Variants in SHROOM4 observed in about 807,000 individuals in gnomAD.
SHROOM4 encodes the protein shroom family member 4.
Under a neutral mutation model 80.3 loss-of-function variants are expected in SHROOM4, and 17 were observed. The ratio of observed to expected loss-of-function variants is 0.21; its 90% CI spans 0.14 to 0.32. The LOEUF (loss-of-function observed/expected upper bound fraction) is 0.32. Among genes scored for constraint, SHROOM4 ranks in the 10% least tolerant of loss-of-function variants. The pLI is 1.00. For synonymous variants in SHROOM4, 400 were observed against 437.5 expected (o/e 0.91, Z 1.07); for missense variants, 993 against 1,140.3 (o/e 0.87, Z 1.86).
intron 5 of SHROOM4, among the ~76,000 whole-genome samples, chrX:50,625,866 T>A (rs1251905558): frequency 8.9e-6 from 1 of 112,262 alleles, no homozygotes; most frequent in Non-Finnish European, 1.9e-5. Context: ...GGTCAAGGCC[T>A]GCCTAGGCTG....
chrX:50,753,794 C>G (rs781918048), intron 1 of SHROOM4, among the ~76,000 whole-genome samples: 1 of 111,644 alleles, frequency 9.0e-6, no homozygotes, highest in Non-Finnish European at 1.9e-5. Flanking sequence ...TTTAAAAGGG[C>G]ATATACGTAT....
chrX:50,612,262 G>A (rs975746525), intron 5 of SHROOM4, among the ~76,000 whole-genome samples: 2 of 108,891 alleles, frequency 1.8e-5, no homozygotes, highest in Non-Finnish European at 1.9e-5. Context: ...AAAAGAATAA[G>A]AGAATACTTT....
rs192231546 is a variant in SHROOM4 at position 50,618,879 on chromosome X, G to A, written c.2957+8735C>T. 8.9e-5 allele frequency among the ~76,000 whole-genome samples: 10 copies of A among 112,143 alleles called. No homozygotes were observed. The South Asian group carries it at 2.2e-3, about 25-fold the overall frequency. Reference sequence around the variant, plus strand: ...CCTTGTCTGTCTCTGAGAGATAATCGCAGGGAAGCAGGGACTCCTGGGGTA... The same window carrying A: ...CCTTGTCTGTCTCTGAGAGATAATCACAGGGAAGCAGGGACTCCTGGGGTA... On this transcript the variant is annotated intron_variant, in intron 5 of 8. Coordinates refer to ENST00000376020, the MANE Select transcript of SHROOM4 (RefSeq NM_020717.5).
At chrX:50,686,404 T>G (rs1266782820) in intron 2 of SHROOM4, among the ~76,000 whole-genome samples, 1 of 110,993 alleles carries the variant, frequency 9.0e-6, no homozygotes, top group Non-Finnish European at 1.9e-5. Context: ...TGCCTTCCTT[T>G]TACTTAGGAA....
rs1928862008 is a variant in SHROOM4, at chrX:50,590,921, T to A, written c.*5774A>T. ...TTTTCACTTTTTTATATGGTATATT[T>A]TTAGCACAAAAGTTTTTAATTTTGA... On this transcript the variant is annotated 3_prime_UTR_variant, in exon 9 of 9. Coordinates refer to ENST00000376020, the MANE Select transcript of SHROOM4 (RefSeq NM_020717.5). Among the ~76,000 whole-genome samples, 2 of 112,230 alleles carry A rather than the reference T, an allele frequency of 1.8e-5. No homozygotes were observed. The highest frequency in any genetic ancestry group is 7.4e-4 in the South Asian group (2 of 2,721).
intron 1 of SHROOM4, among the ~76,000 whole-genome samples, chrX:50,733,284 C>A (rs1380419105): frequency 8.9e-6 from 1 of 111,861 alleles, no homozygotes; most frequent in African/African-American, 3.2e-5. Context: ...GCTTCTATGA[C>A]AAATCCACAC....
intron 1 of SHROOM4, among the ~76,000 whole-genome samples, chrX:50,806,426 G>T (rs782197640): frequency 1.8e-5 from 2 of 112,189 alleles, no homozygotes; most frequent in East Asian, 5.6e-4. Flanking sequence ...TGGATCATCC[G>T]TTGCAACACT....
At chrX:50,763,097 T>C (rs781807509) in intron 1 of SHROOM4, among the ~76,000 whole-genome samples, 1 of 111,591 alleles carries the variant, frequency 9.0e-6, no homozygotes, top group South Asian at 3.8e-4. Context: ...TCTTTTCTTC[T>C]GTTCTTCAGA....
At chrX:50,744,750 C>A (rs1286823346) in intron 1 of SHROOM4, among the ~76,000 whole-genome samples, 1 of 111,775 alleles carries the variant, frequency 8.9e-6, no homozygotes, top group East Asian at 2.8e-4. Flanking sequence ...ACCCCCATAA[C>A]CTGGGCTTTG....
At chrX:50,740,520 T>A (rs1934628742) in intron 1 of SHROOM4, among the ~76,000 whole-genome samples, 1 of 111,182 alleles carries the variant, frequency 9.0e-6, no homozygotes, top group Admixed American at 9.6e-5. Flanking sequence ...ATGCTCCACT[T>A]TCAATAAAAG....
chrX:50,651,283 AT>A (rs1932044063), intron 2 of SHROOM4, among the ~76,000 whole-genome samples: 1 of 112,111 alleles, frequency 8.9e-6, no homozygotes, highest in Non-Finnish European at 1.9e-5. Flanking sequence ...TTTATGCAAC[AT>A]TTACAGTTCA....
At chrX:50,808,651 A>G (rs1936274012) in intron 1 of SHROOM4, among the ~76,000 whole-genome samples, 1 of 110,370 alleles carries the variant, frequency 9.1e-6, no homozygotes, top group Admixed American at 9.7e-5. Flanking sequence ...TATAAAAGCC[A>G]TGATGTTCCC....
intron 1 of SHROOM4, among the ~76,000 whole-genome samples, chrX:50,777,227 CG>C (rs1935530550): frequency 9.0e-6 from 1 of 111,250 alleles, no homozygotes; most frequent in Non-Finnish European, 1.9e-5. Context: ...TTCCTGAGCC[CG>C]GGAGCCCAGT....
downstream of SHROOM4, among the ~76,000 whole-genome samples, chrX:50,584,256 G>A (rs1265657589): frequency 8.9e-6 from 1 of 112,529 alleles, no homozygotes; most frequent in Non-Finnish European, 1.9e-5. Context: ...ATTGGCTGCT[G>A]CAGCAAAAGC....
intron 2 of SHROOM4, among the ~76,000 whole-genome samples, chrX:50,652,720 C>T (rs1932150171): frequency 8.9e-6 from 1 of 111,882 alleles, no homozygotes; most frequent in Non-Finnish European, 1.9e-5. Context: ...ACATTTAAGT[C>T]TTTAATCCAT....
At chrX:50,711,398 CAT>C (rs1275600275) in intron 1 of SHROOM4, among the ~76,000 whole-genome samples, 3 of 111,902 alleles carry the variant, frequency 2.7e-5, no homozygotes, top group African/African-American at 9.8e-5. Context: ...AACCAACACA[CAT>C]GAGGGGAATT....
At chrX:50,806,429 G>C (rs1266056251) in intron 1 of SHROOM4, among the ~76,000 whole-genome samples, 13 of 112,250 alleles carry the variant, frequency 1.2e-4, no homozygotes, top group African/African-American at 3.6e-4. Context: ...ATCATCCGTT[G>C]CAACACTAAT....
Position 50,633,954 on chromosome X carries a change from G to A in SHROOM4, c.2119C>T (p.Pro707Ser). The A allele has an allele frequency of 8.3e-7, 1 of 1,211,795 alleles. No homozygotes were observed. Among genetic ancestry groups the A allele is most frequent in the Non-Finnish European group, 1.1e-6 (1 of 895,494 alleles). The change falls in exon 4 of 9, where the codon CCA (proline) becomes TCA (serine). Residue 707 changes from proline (P) to serine (S), a missense_variant. Physicochemically the swap from Pro to Ser is moderately conservative, Grantham distance 74 (BLOSUM62 -1). Transcript: ENST00000376020. ...GCTTTCTCAGGGTCTGAGGAGGATG[G>A]GTCAGGTGCTTTCCACCAGGTGTTC... ...GLNTWWKAPD[P>S]SSSDPEKAHA...
chrX:50,672,876 G>T (rs1932811887), intron 2 of SHROOM4, among the ~76,000 whole-genome samples: 1 of 111,773 alleles, frequency 8.9e-6, no homozygotes, highest in Admixed American at 9.4e-5. Context: ...AGAGGAAGTG[G>T]CACAATATTT....
Sources: allele counts gnomAD v4.1 joint callset (sites outside exome capture counted in the v4.1 genomes callset), GRCh38; gene constraint gnomAD v4.1.1; transcripts MANE v1.5; gene names NCBI Gene and HGNC (gene_info 2026-07-23, HGNC 2026-07-21).